FSD1L: variants seen among roughly 807,000 people sequenced by gnomAD.
FSD1L encodes FSD1-like protein.
A neutral mutation model predicts 71.6 loss-of-function variants in FSD1L; 45 were observed. The observed-to-expected ratio is 0.63, with a 90% CI of 0.49 to 0.81. The LOEUF (loss-of-function observed/expected upper bound fraction) is 0.81, where lower values mean the gene tolerates loss of function less well. Ranked by LOEUF, FSD1L falls within the 30% of genes least tolerant of loss-of-function variation. The pLI is 0.00. For synonymous variants in FSD1L, 197 were observed against 207.2 expected (o/e 0.95, Z 0.42); for missense variants, 561 against 618.1 (o/e 0.91, Z 0.98).
intron 12 of FSD1L, 132 bp downstream of exon 12, chr9:105,535,450 C>A: frequency 1.1e-6 from 1 of 896,704 alleles, no homozygotes; most frequent in Non-Finnish European, 1.7e-6. Flanking sequence ...CTTTTGATTG[C>A]AATCATAATC....
rs1159242238 is a variant in FSD1L, at chr9:105,535,276, A to C, written c.1336A>C (p.Thr446Pro). ...TAATAAAGTCAAAGCTTTGGATGTT[A>C]CTGTTCCTGAAAAAATAGGTGTATT... The part of the protein sequence containing the change: ...HNNKVKALDV[T>P]VPEKIGVFCD... The change falls in exon 12 of 14, where the codon ACT (threonine) becomes CCT (proline). Residue 446 changes from threonine to proline, a missense_variant. Transcript: ENST00000481272. 6 of 1,551,530 alleles carry C rather than the reference A, an allele frequency of 3.9e-6. No individual in the cohort carries two copies. The highest frequency in any genetic ancestry group is 5.2e-6 in the Non-Finnish European group (6 of 1,146,936).
At chr9:105,478,105 C>T (rs888153884) in intron 5 of FSD1L, among the ~76,000 whole-genome samples, 1 of 151,950 alleles carries the variant, frequency 6.6e-6, no homozygotes, top group Admixed American at 6.6e-5. Context: ...ATTTGCCGGG[C>T]GTGGTGGCGG....
At chr9:105,448,017 C>A (rs2131545432), upstream of FSD1L, 1 of 602,184 alleles carries the variant, frequency 1.7e-6, no homozygotes, top group South Asian at 2.0e-5. Context: ...CTCAGCCCCT[C>A]CCTTCTGCGG....
chr9:105,518,116 C>G (rs1027497203), intron 10 of FSD1L, among the ~76,000 whole-genome samples: 2 of 152,136 alleles, frequency 1.3e-5, no homozygotes, highest in Admixed American at 6.5e-5. Context: ...GCTAACTATC[C>G]TAAATATATA....
chr9:105,447,523 C>T (rs966388932), upstream of FSD1L, among the ~76,000 whole-genome samples: 8 of 151,970 alleles, frequency 5.3e-5, no homozygotes, highest in African/African-American at 1.4e-4. Context: ...GGGTGGGTCC[C>T]CGGGAAAAAC....
chr9:105,465,699 T>G (rs1831015271), intron 3 of FSD1L, among the ~76,000 whole-genome samples: 1 of 152,154 alleles, frequency 6.6e-6, no homozygotes, highest in East Asian at 1.9e-4. Flanking sequence ...TTGACAGAAT[T>G]CAACATCCTT....
chr9:105,506,590 A>G lies in FSD1L; in HGVS notation c.778A>G (p.Thr260Ala), dbSNP rs1188022977. 3.9e-6 allele frequency: 6 copies of G among 1,541,438 alleles called. No homozygotes were observed. The African/African-American group carries it at 4.1e-5, about 11-fold the overall frequency. ...GGAGATAATTGATAATATTAAGGGTACTGAATATACACTATCAGGTAACAT... is the reference window on the plus strand; with the variant it reads ...GGAGATAATTGATAATATTAAGGGTGCTGAATATACACTATCAGGTAACAT... ...CWEIIDNIKG[T>A]EYTLSGLKFD... Residue 260 changes from threonine (T) to alanine (A), a missense_variant, in exon 8 of 14, where the codon ACT (threonine) becomes GCT (alanine). Thr to Ala is a moderately conservative substitution (Grantham distance 58). Coordinates refer to ENST00000481272, the MANE Select transcript of FSD1L (RefSeq NM_001145313.3).
chr9:105,500,172 A>G (rs1833679763), intron 7 of FSD1L, among the ~76,000 whole-genome samples: 1 of 152,210 alleles, frequency 6.6e-6, no homozygotes, highest in South Asian at 2.1e-4. Flanking sequence ...TAATTCCAGC[A>G]TTTCTGCCAT....
Position 105,524,582 on chromosome 9 carries a change from T to C in FSD1L, c.1026-9911T>C. The C allele has an allele frequency of 3.7e-6, 6 of 1,613,956 alleles. No homozygotes were observed. In the African/African-American group the frequency reaches 5.3e-5, roughly 14 times the overall value. ...GGTGTGTTTATGGAGCTCAGTGTTT[T>C]AGCAATCCAAGGTATTTTCCCATGA... is the stretch of plus-strand genomic sequence containing the variant. On this transcript the variant is annotated intron_variant, in intron 10 of 13. Coordinates refer to ENST00000481272, the MANE Select transcript of FSD1L (RefSeq NM_001145313.3).
chr9:105,474,523 A>G (rs10820806), intron 5 of FSD1L, among the ~76,000 whole-genome samples: 19,033 of 152,284 alleles, frequency 0.12, 1,513 homozygotes, highest in Admixed American at 0.23. Flanking sequence ...CTAGCCAGCT[A>G]CATGGACTAC....
chr9:105,452,669 G>GCCTGCCTGCCTGCCTTCCTTCCTTCCTT (rs1191519308), intron 1 of FSD1L, among the ~76,000 whole-genome samples: 7 of 96,234 alleles, frequency 7.3e-5, no homozygotes, highest in African/African-American at 3.0e-4. Context: ...CTGCCTGCCT[G>GCCTGCCTGCCTGCCTTCCTTCCTTCCTT]CCTTCCTTCC....
At chr9:105,460,131 T>C (rs944529164) in intron 1 of FSD1L, among the ~76,000 whole-genome samples, 1 of 152,200 alleles carries the variant, frequency 6.6e-6, no homozygotes, top group African/African-American at 2.4e-5. Flanking sequence ...TTTACAGCCT[T>C]AGGCAATTCA....
At chr9:105,487,296 G>C (rs936179386) in intron 7 of FSD1L, among the ~76,000 whole-genome samples, 1 of 152,088 alleles carries the variant, frequency 6.6e-6, no homozygotes, top group African/African-American at 2.4e-5. Flanking sequence ...CAAATTCCTG[G>C]AAGTGGAAGT....
At chr9:105,472,187 T>A in intron 5 of FSD1L, 182 bp downstream of exon 5, 1 of 636,298 alleles carries the variant, frequency 1.6e-6, no homozygotes, top group Non-Finnish European at 2.4e-6. Flanking sequence ...GAAGTGTGTG[T>A]CTTTAGGGTC....
chr9:105,550,714 C>T lies in FSD1L; in HGVS notation c.*4231C>T, dbSNP rs1357539490. ...TGAAAAGATATTGTTGGATATGCCA[C>T]ATCAGAGTTAGCATTGACTTATAAA... On this transcript the variant is annotated 3_prime_UTR_variant, in exon 14 of 14. Transcript: ENST00000481272. The T allele has an allele frequency of 3.3e-5, 5 of 152,064 alleles. No homozygotes were observed. Among genetic ancestry groups the T allele is most frequent in the African/African-American group, 1.2e-4 (5 of 41,442 alleles). 9.4% of individuals were successfully genotyped at this position (152,064 alleles called of 1,614,324 possible). A position where few individuals can be genotyped will look rare whatever the true frequency, so the allele number is the denominator to read the frequency against.
At chr9:105,492,127 C>A (rs1438007157) in intron 7 of FSD1L, among the ~76,000 whole-genome samples, 1 of 152,080 alleles carries the variant, frequency 6.6e-6, no homozygotes, top group African/African-American at 2.4e-5. Flanking sequence ...CCATCTGGTC[C>A]TGGACTCTTT....
At chr9:105,443,557 G>A (rs1280926237), upstream of FSD1L, among the ~76,000 whole-genome samples, 1 of 152,110 alleles carries the variant, frequency 6.6e-6, no homozygotes, top group Non-Finnish European at 1.5e-5. Context: ...TATAATGAGT[G>A]CCCAGGATCA....
chr9:105,509,378 T>C (rs1834266651), intron 9 of FSD1L, among the ~76,000 whole-genome samples: 1 of 152,184 alleles, frequency 6.6e-6, no homozygotes, highest in South Asian at 2.1e-4. Context: ...CTGAAAGCAA[T>C]TGGGGTTTAA....
chr9:105,484,065 G>C (rs1311631378), intron 6 of FSD1L, among the ~76,000 whole-genome samples: 1 of 152,096 alleles, frequency 6.6e-6, no homozygotes. Flanking sequence ...AGTGTACAGA[G>C]GTTCAGATGA....
Sources: gnomAD v4.1 joint callset for allele counts (sites outside exome capture counted in the v4.1 genomes callset) on GRCh38, gnomAD v4.1.1 for gene constraint, MANE v1.5 for transcripts, NCBI Gene and HGNC (gene_info 2026-07-23, HGNC 2026-07-21) for gene names.